The following DYM variants were observed in gnomAD, a reference collection of about 807,000 sequenced individuals.
DYM encodes the protein dymeclin, also known as dyggve-Melchior-Clausen syndrome protein.
Under a neutral mutation model 93.1 loss-of-function variants are expected in DYM, and 78 were observed. The ratio of observed to expected loss-of-function variants is 0.84; its 90% CI spans 0.70 to 1.01. DYM has a LOEUF of 1.01. Ranked by LOEUF, DYM falls within the 50% of genes least tolerant of loss-of-function variation. The pLI is 0.00. For synonymous variants in DYM, 321 were observed against 319.7 expected (o/e 1.00, Z -0.04); for missense variants, 789 against 845.0 (o/e 0.93, Z 0.82).
rs758761669 is a variant in DYM at position 49,036,589 on chromosome 18, T to C, written c.*7466A>G. 2.0e-5 allele frequency among the ~76,000 whole-genome samples: 3 copies of C among 152,200 alleles called. No homozygotes were observed. The highest frequency in any genetic ancestry group is 2.9e-5 in the Non-Finnish European group (2 of 68,048). The stretch of plus-strand genomic sequence containing the variant: ...TTTTGAGACACGGTCTCTCACTCCA[T>C]TGCCCAGGCTGGAGTGTGGTGCCAT... On this transcript the variant is annotated 3_prime_UTR_variant, in exon 18 of 18. Coordinates refer to ENST00000675505, the MANE Select transcript of DYM (RefSeq NM_001353214.3).
At chr18:49,184,968 C>T (rs944352273) in intron 14 of DYM, among the ~76,000 whole-genome samples, 1 of 151,954 alleles carries the variant, frequency 6.6e-6, no homozygotes, top group African/African-American at 2.4e-5. Flanking sequence ...TAGAAGGAGG[C>T]TTTAGTTTTT....
intron 15 of DYM, among the ~76,000 whole-genome samples, chr18:49,139,157 T>G (rs1023504306): frequency 6.6e-6 from 1 of 152,144 alleles, no homozygotes; most frequent in South Asian, 2.1e-4. Context: ...CCTAAACTTT[T>G]GTTGTAATTT....
chr18:49,377,737 G>A (rs764178556), intron 5 of DYM, among the ~76,000 whole-genome samples: 11 of 152,036 alleles, frequency 7.2e-5, no homozygotes, highest in Admixed American at 3.9e-4. Context: ...TTAAAAACAC[G>A]TATTTAGCAA....
chr18:49,128,783 C>A (rs529235056), intron 15 of DYM, among the ~76,000 whole-genome samples: 1 of 152,024 alleles, frequency 6.6e-6, no homozygotes, highest in East Asian at 1.9e-4. Context: ...TTTAGATTAC[C>A]CTGCCACCAT....
At chr18:49,334,577 T>C (rs2063533511) in intron 6 of DYM, among the ~76,000 whole-genome samples, 1 of 152,062 alleles carries the variant, frequency 6.6e-6, no homozygotes, top group South Asian at 2.1e-4. Context: ...AGGATTATAA[T>C]GGGGAACATG....
At chr18:49,348,709 G>A (rs2064843058) in intron 6 of DYM, among the ~76,000 whole-genome samples, 1 of 151,954 alleles carries the variant, frequency 6.6e-6, no homozygotes, top group Non-Finnish European at 1.5e-5. Flanking sequence ...AAGACATAGA[G>A]GCCATCCTGG....
At chr18:49,398,671 A>T (rs1437765643) in intron 2 of DYM, among the ~76,000 whole-genome samples, 3 of 152,162 alleles carry the variant, frequency 2.0e-5, no homozygotes, top group African/African-American at 7.2e-5. Context: ...TGTGTTCCTG[A>T]TCTTGGATTC....
intron 2 of DYM, among the ~76,000 whole-genome samples, chr18:49,401,528 T>C (rs760900932): frequency 6.6e-6 from 1 of 152,220 alleles, no homozygotes; most frequent in African/African-American, 2.4e-5. Flanking sequence ...CAAACATCTG[T>C]CATTTCTTTG....
At chr18:49,084,992 T>A (rs2078378178) in intron 17 of DYM, among the ~76,000 whole-genome samples, 1 of 152,234 alleles carries the variant, frequency 6.6e-6, no homozygotes, top group South Asian at 2.1e-4. Flanking sequence ...AAAGCCATTA[T>A]ATGGATACTC....
At chr18:49,119,149 G>T (rs2082159768) in intron 15 of DYM, among the ~76,000 whole-genome samples, 1 of 152,110 alleles carries the variant, frequency 6.6e-6, no homozygotes, top group Non-Finnish European at 1.5e-5. Context: ...TAATAATTAG[G>T]AATTTCATAT....
At chr18:49,337,977 G>C (rs1417518276) in intron 6 of DYM, among the ~76,000 whole-genome samples, 1 of 152,140 alleles carries the variant, frequency 6.6e-6, no homozygotes, top group South Asian at 2.1e-4. Flanking sequence ...TGGGGGAAAG[G>C]GGTGGGAGCA....
chr18:49,238,594 T>TA (rs1446114955), intron 13 of DYM, among the ~76,000 whole-genome samples: 1 of 151,900 alleles, frequency 6.6e-6, no homozygotes, highest in Non-Finnish European at 1.5e-5. Context: ...AATGTTTGCT[T>TA]AAAAAAATGA....
At chr18:49,379,544 TAATGAG>T (rs1269608561) in intron 4 of DYM, 115 bp downstream of exon 4, 7 of 874,018 alleles carry the variant, frequency 8.0e-6, no homozygotes, top group Non-Finnish European at 1.3e-5. Flanking sequence ...TTTTTCTTAA[TAATGAG>T]AATAATTCCT....
intron 14 of DYM, among the ~76,000 whole-genome samples, chr18:49,193,032 C>T (rs2091125650): frequency 6.6e-6 from 1 of 152,086 alleles, no homozygotes; most frequent in African/African-American, 2.4e-5. Flanking sequence ...TTCAATATCA[C>T]TAACAGTAAA....
At chr18:49,270,879 G>A (rs2094679509) in intron 11 of DYM, among the ~76,000 whole-genome samples, 1 of 152,122 alleles carries the variant, frequency 6.6e-6, no homozygotes, top group Non-Finnish European at 1.5e-5. Context: ...CAAAGTGTCT[G>A]TACCCTTATA....
At chr18:49,168,670 C>T (rs1320642180) in intron 14 of DYM, among the ~76,000 whole-genome samples, 1 of 152,088 alleles carries the variant, frequency 6.6e-6, no homozygotes, top group Non-Finnish European at 1.5e-5. Flanking sequence ...CATGGCTCCC[C>T]GCCCCCAAGG....
At chr18:49,192,928 C>A (rs927653746) in intron 14 of DYM, among the ~76,000 whole-genome samples, 1 of 152,048 alleles carries the variant, frequency 6.6e-6, no homozygotes, top group Admixed American at 6.6e-5. Context: ...AGATTACAGT[C>A]AAAGGGTACA....
At chr18:49,367,131 C>T (rs2066598146) in intron 5 of DYM, among the ~76,000 whole-genome samples, 1 of 152,118 alleles carries the variant, frequency 6.6e-6, no homozygotes, top group African/African-American at 2.4e-5. Flanking sequence ...TTAGTTTATA[C>T]ATAAAGATGA....
At chr18:49,165,198 G>T (rs950568354) in intron 14 of DYM, among the ~76,000 whole-genome samples, 1 of 152,108 alleles carries the variant, frequency 6.6e-6, no homozygotes, top group Non-Finnish European at 1.5e-5. Flanking sequence ...ATTTTATAAT[G>T]ATGAAAGCCA....
Sources: gnomAD v4.1 joint callset for allele counts (sites outside exome capture counted in the v4.1 genomes callset) on GRCh38, gnomAD v4.1.1 for gene constraint, MANE v1.5 for transcripts, NCBI Gene and HGNC (gene_info 2026-07-23, HGNC 2026-07-21) for gene names.